The following HUNK variants were observed in gnomAD, a reference collection of about 807,000 sequenced individuals.
HUNK encodes the protein hormonally up-regulated neu tumor-associated kinase.
Under a neutral mutation model 61.0 loss-of-function variants are expected in HUNK, and 21 were observed. The observed-to-expected ratio is 0.34, with a 90% CI of 0.24 to 0.50. HUNK has a LOEUF of 0.50. HUNK is among the 20% of genes least tolerant of loss of function. The pLI is 0.98. For missense variants in HUNK, 772 were observed against 945.7 expected, an observed-to-expected ratio of 0.82 and a Z score of 2.41; for synonymous variants, 371 against 386.1, an observed-to-expected ratio of 0.96 and a Z score of 0.46.
At position 31,950,959 on chromosome 21, in the gene HUNK, C is replaced by G. The variant is rs189678191; in HGVS notation, c.746+4788C>G. On this transcript the variant is annotated intron_variant, in intron 4 of 10. Coordinates refer to ENST00000270112, the MANE Select transcript of HUNK (RefSeq NM_014586.2). ...GAGATAGATTTAGGAAGAAAATCAG[C>G]CTGTCATTGAAAGAAACCTTGGGAA... 5.2e-4 allele frequency among the ~76,000 whole-genome samples: 79 copies of G among 152,154 alleles called. No homozygotes were observed. The East Asian group carries it at 0.014, about 28-fold the overall frequency.
At position 31,999,178 on chromosome 21, in the gene HUNK, G is replaced by A; in HGVS notation, c.2139G>A (p.Gln713=). The A allele has an allele frequency of 6.3e-7, 1 of 1,596,856 alleles. No individual in the cohort carries two copies. Among genetic ancestry groups the A allele is most frequent in the Non-Finnish European group, 8.5e-7 (1 of 1,171,960 alleles). ...ACATGGCCGATGGGGTCAAGACCCA[G>A]TGCTAACTTGGGCCAGCGGGGTTTG... ...AFDMADGVKT[Q]C Residue 713 remains glutamine, a synonymous_variant, in exon 11 of 11, where the codon CAG becomes CAA. Transcript: ENST00000270112.
At chr21:31,899,799 CAG>C (rs940020550) in intron 1 of HUNK, among the ~76,000 whole-genome samples, 5 of 150,596 alleles carry the variant, frequency 3.3e-5, no homozygotes, top group African/African-American at 1.2e-4. Context: ...TTTTTTTAGA[CAG>C]AGTTTCACTC....
At chr21:31,982,556 G>A (rs936630318) in intron 7 of HUNK, among the ~76,000 whole-genome samples, 3 of 152,120 alleles carry the variant, frequency 2.0e-5, no homozygotes, top group East Asian at 1.9e-4. Flanking sequence ...CACGAAGTTC[G>A]TATTTTAAGA....
rs1373386153 is a variant in HUNK, at chr21:31,873,713, G to A, written c.39G>A (p.Pro13=). ...AAAGDGLLGE[P]AAPGGGGGAE... is the part of the protein sequence containing the mutation. ...CGGGGGACGGGCTCCTGGGGGAGCC[G>A]GCGGCGCCTGGGGGCGGCGGCGGCG... The change falls in exon 1 of 11, where the codon CCG becomes CCA. Residue 13 remains proline, a synonymous_variant. Transcript: ENST00000270112. The surrounding 1 kb of genome is among the most constrained non-coding windows in gnomAD (Gnocchi z 6.1). 7 of 1,180,732 alleles carry A rather than the reference G, an allele frequency of 5.9e-6. No homozygotes were observed. The East Asian group carries it at 2.2e-4, about 38-fold the overall frequency. The allele number at this position is 1,180,732 out of a possible 1,614,324, so 73.1% of individuals were successfully genotyped here.
intron 2 of HUNK, among the ~76,000 whole-genome samples, chr21:31,936,297 T>C (rs748373295): frequency 1.3e-5 from 2 of 152,248 alleles, no homozygotes; most frequent in Admixed American, 6.5e-5. Flanking sequence ...GAGATTTTAG[T>C]GCCTTTTGTC....
chr21:31,938,054 C>T (rs1053318047), intron 2 of HUNK, among the ~76,000 whole-genome samples: 12 of 152,222 alleles, frequency 7.9e-5, no homozygotes, highest in Non-Finnish European at 1.5e-4. Flanking sequence ...AGTGCCCAGC[C>T]TTAAGGCTAT....
At chr21:31,980,807 C>T (rs142270403) in intron 7 of HUNK, among the ~76,000 whole-genome samples, 3,492 of 152,256 alleles carry the variant, frequency 0.023, 130 homozygotes, top group African/African-American at 0.079. Context: ...CAGGTTCAAG[C>T]GATTCTCCTG....
intron 1 of HUNK, among the ~76,000 whole-genome samples, chr21:31,901,874 G>C (rs2052470393): frequency 6.6e-6 from 1 of 152,060 alleles, no homozygotes; most frequent in African/African-American, 2.4e-5. Context: ...AACCCACTGG[G>C]TTATTTGAGG....
intron 8 of HUNK, among the ~76,000 whole-genome samples, chr21:31,984,877 A>G (rs2053122409): frequency 6.6e-6 from 1 of 152,104 alleles, no homozygotes; most frequent in African/African-American, 2.4e-5. Context: ...CATACCCGAG[A>G]CTGGGTACTT....
chr21:31,933,133 C>T (rs750352085), intron 2 of HUNK, among the ~76,000 whole-genome samples: 2 of 151,738 alleles, frequency 1.3e-5, no homozygotes, highest in Non-Finnish European at 2.9e-5. Context: ...CCAGGCTGGC[C>T]TTGAACTCCT....
chr21:31,902,541 T>C (rs1403522851), intron 1 of HUNK, among the ~76,000 whole-genome samples: 2 of 152,152 alleles, frequency 1.3e-5, no homozygotes, highest in Non-Finnish European at 2.9e-5. Context: ...CTCGTAGGGC[T>C]TGTGGGAGTT....
At chr21:31,882,834 T>C (rs1235333165) in intron 1 of HUNK, among the ~76,000 whole-genome samples, 1 of 152,204 alleles carries the variant, frequency 6.6e-6, no homozygotes, top group Non-Finnish European at 1.5e-5. Context: ...GATGTATTTT[T>C]AAACTGTACA....
intron 7 of HUNK, among the ~76,000 whole-genome samples, chr21:31,979,751 G>C (rs35257551): frequency 0.57 from 86,013 of 151,354 alleles, 24,588 homozygotes; most frequent in South Asian, 0.69. Context: ...TCCTGACCTC[G>C]TGATCTGCCC....
chr21:31,927,792 A>G (rs2052671087), intron 2 of HUNK, among the ~76,000 whole-genome samples: 1 of 152,140 alleles, frequency 6.6e-6, no homozygotes, highest in Non-Finnish European at 1.5e-5. Context: ...TCATGTCTAA[A>G]CCCAGGGGAG....
chr21:31,914,183 G>A (rs890749422), intron 1 of HUNK, among the ~76,000 whole-genome samples: 22 of 151,862 alleles, frequency 1.4e-4, no homozygotes, highest in African/African-American at 3.6e-4. Context: ...CAAGGCGGGC[G>A]GATCACCTGT....
intron 5 of HUNK, among the ~76,000 whole-genome samples, chr21:31,962,554 A>T (rs2052936063): frequency 6.6e-6 from 1 of 152,226 alleles, no homozygotes; most frequent in Non-Finnish European, 1.5e-5. Context: ...ATTGCTGTCC[A>T]ACCTCGCATA....
chr21:31,988,187 G>A (rs188215589), intron 8 of HUNK, among the ~76,000 whole-genome samples: 5 of 152,232 alleles, frequency 3.3e-5, no homozygotes, highest in Middle Eastern at 3.4e-3. Context: ...CATCTGAGGA[G>A]GACACCTATC....
chr21:31,878,273 A>AG (rs1268754920), intron 1 of HUNK, among the ~76,000 whole-genome samples: 3 of 151,898 alleles, frequency 2.0e-5, no homozygotes, highest in Non-Finnish European at 2.9e-5. Flanking sequence ...AAAAAAAAAA[A>AG]AAAAAGAGTT....
At chr21:31,984,324 A>T (rs940980671) in intron 8 of HUNK, among the ~76,000 whole-genome samples, 1 of 152,226 alleles carries the variant, frequency 6.6e-6, no homozygotes, top group African/African-American at 2.4e-5. Context: ...GAATACATAG[A>T]TGGAAATATC....
Sources: gnomAD v4.1 joint callset for allele counts (sites outside exome capture counted in the v4.1 genomes callset) on GRCh38, gnomAD v4.1.1 for gene constraint, Gnocchi (gnomAD v3.1) non-coding constraint, MANE v1.5 for transcripts, NCBI Gene and HGNC (gene_info 2026-07-23, HGNC 2026-07-21) for gene names.